FNDC3B: variants seen among roughly 807,000 people sequenced by gnomAD.
FNDC3B encodes the protein fibronectin type III domain-containing protein 3B.
In FNDC3B, 12 loss-of-function variants were observed where a neutral mutation model predicts 151.5. That is an observed-to-expected ratio of 0.08 (90% CI 0.05 to 0.13). FNDC3B has a LOEUF of 0.13. Among genes scored for constraint, FNDC3B ranks in the 10% least tolerant of loss-of-function variants. The pLI is 1.00. For synonymous variants in FNDC3B, 528 were observed against 549.0 expected (o/e 0.96, Z 0.54); for missense variants, 1,214 against 1,505.3 (o/e 0.81, Z 3.20).
intron 1 of FNDC3B, among the ~76,000 whole-genome samples, chr3:172,092,749 A>G (rs752250753): frequency 2.6e-5 from 4 of 152,242 alleles, no homozygotes; most frequent in Non-Finnish European, 5.9e-5. Flanking sequence ...CTTGCTCCCC[A>G]GTATCAGGAC....
intron 6 of FNDC3B, among the ~76,000 whole-genome samples, chr3:172,275,482 A>G (rs1466959667): frequency 6.6e-6 from 1 of 152,236 alleles, no homozygotes; most frequent in Non-Finnish European, 1.5e-5. Flanking sequence ...TTAGAATGAG[A>G]TAGCAATAGT....
intron 4 of FNDC3B, among the ~76,000 whole-genome samples, chr3:172,246,440 C>CT (rs1727780675): frequency 6.6e-6 from 1 of 152,208 alleles, no homozygotes; most frequent in African/African-American, 2.4e-5. Context: ...ACAACTTTAC[C>CT]TTTTCATCAT....
intron 2 of FNDC3B, among the ~76,000 whole-genome samples, chr3:172,120,369 T>C (rs970034949): frequency 1.3e-5 from 2 of 152,192 alleles, no homozygotes; most frequent in African/African-American, 4.8e-5. Context: ...TTTCAAATTA[T>C]TGCAATTTTT....
chr3:172,158,485 A>G (rs1722608479), intron 3 of FNDC3B, among the ~76,000 whole-genome samples: 1 of 151,192 alleles, frequency 6.6e-6, no homozygotes, highest in Admixed American at 6.6e-5. Context: ...TTTTTCACCC[A>G]TTTTCTAATA....
chr3:172,280,966 C>T (rs1207845602), intron 6 of FNDC3B, among the ~76,000 whole-genome samples: 2 of 151,716 alleles, frequency 1.3e-5, no homozygotes, highest in African/African-American at 2.4e-5. Flanking sequence ...ACTAAAAATG[C>T]TTTATTTCCT....
At chr3:172,090,925 C>T (rs928697102) in intron 1 of FNDC3B, among the ~76,000 whole-genome samples, 1 of 152,124 alleles carries the variant, frequency 6.6e-6, no homozygotes, top group Non-Finnish European at 1.5e-5. Context: ...ACTTGGGTCC[C>T]ATCCCCAAGA....
chr3:172,106,172 C>CT (rs911418186), intron 1 of FNDC3B, among the ~76,000 whole-genome samples: 21 of 151,984 alleles, frequency 1.4e-4, no homozygotes, highest in African/African-American at 4.8e-4. Context: ...CTCCATCAAC[C>CT]TTTTTTTTAA....
At chr3:172,387,380 G>A (rs1212559065) in intron 25 of FNDC3B, among the ~76,000 whole-genome samples, 3 of 151,686 alleles carry the variant, frequency 2.0e-5, no homozygotes, top group Non-Finnish European at 4.4e-5. Flanking sequence ...TTATAGGCGT[G>A]AGCCACCATG....
At chr3:172,234,352 C>G (rs1342806248) in intron 4 of FNDC3B, among the ~76,000 whole-genome samples, 1 of 152,230 alleles carries the variant, frequency 6.6e-6, no homozygotes, top group Admixed American at 6.5e-5. Context: ...ATCACTTGAT[C>G]TCTAGTTCCT....
chr3:172,331,059 G>T (rs1732633068), intron 13 of FNDC3B, among the ~76,000 whole-genome samples: 1 of 152,116 alleles, frequency 6.6e-6, no homozygotes, highest in Admixed American at 6.5e-5. Context: ...GTGGATTATT[G>T]CAATAACATA....
intron 3 of FNDC3B, among the ~76,000 whole-genome samples, chr3:172,200,746 T>A (rs9858330): frequency 0.88 from 134,040 of 152,122 alleles, 59,323 homozygotes; most frequent in Middle Eastern, 0.94. Context: ...CATCTGTAAT[T>A]GTTTTTGTCA....
intron 1 of FNDC3B, among the ~76,000 whole-genome samples, chr3:172,062,994 C>A (rs1717293198): frequency 6.6e-6 from 1 of 152,166 alleles, no homozygotes. Context: ...TGATCTAATG[C>A]TACAAAACCA....
intron 13 of FNDC3B, among the ~76,000 whole-genome samples, chr3:172,331,884 T>A (rs967040973): frequency 1.3e-5 from 2 of 152,250 alleles, no homozygotes; most frequent in Non-Finnish European, 2.9e-5. Context: ...ATTTTATAAT[T>A]TGTGCCATCC....
At chr3:172,335,341 TTACTC>T (rs956990490) in intron 15 of FNDC3B, 1 of 313,410 alleles carries the variant, frequency 3.2e-6, no homozygotes, top group African/African-American at 2.2e-5. Context: ...AGTATCTCAT[TTACTC>T]TATGATTTTC....
At chr3:172,359,987 A>G (rs1156450590) in intron 22 of FNDC3B, among the ~76,000 whole-genome samples, 1 of 152,206 alleles carries the variant, frequency 6.6e-6, no homozygotes, top group Non-Finnish European at 1.5e-5. Context: ...TTGTGTGAAC[A>G]TAAATATTAA....
chr3:172,198,932 TTC>T (rs1724988010), intron 3 of FNDC3B, among the ~76,000 whole-genome samples: 1 of 152,064 alleles, frequency 6.6e-6, no homozygotes, highest in Admixed American at 6.5e-5. Context: ...CTTAAAGTGA[TTC>T]TCTTGCCTCA....
chr3:172,119,169 TAAA>T (rs555243695), intron 2 of FNDC3B, among the ~76,000 whole-genome samples: 10 of 102,158 alleles, frequency 9.8e-5, no homozygotes, highest in Admixed American at 1.1e-4. Context: ...GACTCTGCCT[TAAA>T]AAAAAAAAAA....
At chr3:172,182,508 G>A (rs916538121) in intron 3 of FNDC3B, among the ~76,000 whole-genome samples, 1 of 152,176 alleles carries the variant, frequency 6.6e-6, no homozygotes, top group African/African-American at 2.4e-5. Context: ...CTCTGACAGG[G>A]CAGTGGTGTT....
At chr3:172,093,721 T>C (rs1483174848) in intron 1 of FNDC3B, among the ~76,000 whole-genome samples, 1 of 152,138 alleles carries the variant, frequency 6.6e-6, no homozygotes, top group Non-Finnish European at 1.5e-5. Flanking sequence ...GTATAGCCTT[T>C]AAGGTTCAGA....
Sources: gnomAD v4.1 joint callset for allele counts (sites outside exome capture counted in the v4.1 genomes callset) on GRCh38, gnomAD v4.1.1 for gene constraint, MANE v1.5 for transcripts, NCBI Gene and HGNC (gene_info 2026-07-23, HGNC 2026-07-21) for gene names.